FAM184B: variants seen among roughly 807,000 people sequenced by gnomAD.
FAM184B encodes the protein family with sequence similarity 184 member B, also known as protein FAM184B.
FAM184B carries 111 observed loss-of-function variants against 135.9 expected under a neutral mutation model. That is an observed-to-expected ratio of 0.82 (90% CI 0.70 to 0.96). The LOEUF is 0.96. FAM184B is among the 40% of genes least tolerant of loss of function. The pLI is 0.00. For synonymous variants in FAM184B, 552 were observed against 524.8 expected (o/e 1.05, Z -0.71); for missense variants, 1,375 against 1,323.9 (o/e 1.04, Z -0.60).
At chr4:17,669,238 T>C (rs2315556) in intron 7 of FAM184B, among the ~76,000 whole-genome samples, 78,012 of 151,964 alleles carry the variant, frequency 0.51, 22,865 homozygotes, top group East Asian at 0.83. Context: ...GGCTAAAAGG[T>C]CCTCCTGTGC....
chr4:17,636,600 G>A lies in FAM184B; in HGVS notation c.2712C>T (p.Pro904=), dbSNP rs749548028. 11 of 1,550,784 alleles carry A rather than the reference G, an allele frequency of 7.1e-6. No homozygotes were observed. Among genetic ancestry groups the A allele is most frequent in the South Asian group, 5.9e-5 (5 of 84,066 alleles). The change falls in exon 15 of 18, where the codon CCC becomes CCT. Residue 904 remains proline, a synonymous_variant. Transcript: ENST00000265018. ...GGCGGCCAATGAGCTGAAGGTCCTC[G>A]GGCCTGGACGCTCCCTTCCCTGGCT... ...GEKPGKGASR[P]EDLQLIGRLQ...
chr4:17,697,667 T>A (rs569215662), intron 5 of FAM184B, among the ~76,000 whole-genome samples: 1 of 152,346 alleles, frequency 6.6e-6, no homozygotes, highest in East Asian at 1.9e-4. Flanking sequence ...TTGTTTAACA[T>A]GCTTTAATAA....
intron 1 of FAM184B, among the ~76,000 whole-genome samples, chr4:17,766,292 C>T (rs1385067348): frequency 1.3e-5 from 2 of 152,218 alleles, no homozygotes; most frequent in Non-Finnish European, 2.9e-5. Flanking sequence ...AATCCCTGAG[C>T]TAGACACAAA....
intron 1 of FAM184B, among the ~76,000 whole-genome samples, chr4:17,734,623 A>C (rs1341116663): frequency 6.6e-6 from 1 of 151,730 alleles, no homozygotes; most frequent in Non-Finnish European, 1.5e-5. Flanking sequence ...AATCAAAACC[A>C]CAATGAGATA....
chr4:17,652,949 T>TG lies in FAM184B; in HGVS notation c.2071dup (p.His691ProfsTer30). On this transcript the variant is annotated frameshift_variant, in exon 11 of 18. Transcript: ENST00000265018. LOFTEE classifies it high-confidence loss of function. The stretch of plus-strand genomic sequence containing the variant: ...TGTCTGGTGTTGGATCTGGAGGCTG[T>TG]GGCTGGATTCCTTCTTCAAGCGTTC... 6.4e-7 allele frequency: 1 copy of TG among 1,551,700 alleles called. No individual in the cohort carries two copies. The highest frequency in any genetic ancestry group is 1.2e-5 in the South Asian group (1 of 84,066).
intron 13 of FAM184B, among the ~76,000 whole-genome samples, chr4:17,640,040 C>CGCT (rs539107308): frequency 3.1e-4 from 47 of 151,544 alleles, no homozygotes; most frequent in African/African-American, 1.1e-3. Context: ...CCATGTTGGC[C>CGCT]AGGCTAGTCT....
chr4:17,707,865 C>G (rs957163014), intron 2 of FAM184B, 81 bp from the exon 3 acceptor site: 1 of 1,496,412 alleles, frequency 6.7e-7, no homozygotes, highest in South Asian at 1.3e-5. Flanking sequence ...AGCCATCAGA[C>G]CTGAAAGGCG....
chr4:17,705,970 C>T (rs373616689), intron 3 of FAM184B, 79 bp from the exon 4 acceptor site: 2 of 1,521,062 alleles, frequency 1.3e-6, no homozygotes, highest in South Asian at 2.5e-5. Flanking sequence ...TGTCAGGCCC[C>T]CGTTCCGCTT....
chr4:17,691,404 G>T lies in FAM184B; in HGVS notation c.1488+1898C>A, dbSNP rs185829332. 1.9e-3 allele frequency among the ~76,000 whole-genome samples: 291 copies of T among 152,248 alleles called. 1 individual carries two copies. Among genetic ancestry groups the T allele is most frequent in the South Asian group, 3.5e-3 (17 of 4,824 alleles). ...TATTGTTTTTAAAAAAAGAGCTCTG[G>T]GCTGGGCACGGTGGCTCACGCCTGT... On this transcript the variant is annotated intron_variant, in intron 6 of 17. Transcript: ENST00000265018.
intron 5 of FAM184B, among the ~76,000 whole-genome samples, chr4:17,702,062 G>A (rs1716998430): frequency 6.6e-6 from 1 of 152,220 alleles, no homozygotes; most frequent in African/African-American, 2.4e-5. Flanking sequence ...TGTTGGCTGT[G>A]TAAGCTGCAG....
At chr4:17,663,634 A>ACACACACACACACACC (rs1553831657) in intron 8 of FAM184B, among the ~76,000 whole-genome samples, 3 of 151,646 alleles carry the variant, frequency 2.0e-5, no homozygotes, top group African/African-American at 7.3e-5. Flanking sequence ...ACACACACAC[A>ACACACACACACACACC]CACACACACA....
chr4:17,738,082 A>G (rs1011997534), intron 1 of FAM184B, among the ~76,000 whole-genome samples: 1 of 152,168 alleles, frequency 6.6e-6, no homozygotes, highest in African/African-American at 2.4e-5. Flanking sequence ...ATGAGCAGGT[A>G]TCTAAGACTG....
chr4:17,758,367 G>A lies in FAM184B; in HGVS notation c.141+22792C>T, dbSNP rs571013664. On this transcript the variant is annotated intron_variant, in intron 1 of 17. Transcript: ENST00000265018. ...ATCATTTATTCAATATTGGCAGAAA[G>A]TTCAAATAGCCTATAATTGCTTTCA... Among the ~76,000 whole-genome samples the A allele has an allele frequency of 1.1e-4, 16 of 152,302 alleles. No individual in the cohort carries two copies. The South Asian group carries it at 2.9e-3, about 28-fold the overall frequency.
chr4:17,726,485 C>A (rs1412106756), intron 1 of FAM184B, among the ~76,000 whole-genome samples: 2 of 152,104 alleles, frequency 1.3e-5, no homozygotes, highest in Non-Finnish European at 2.9e-5. Context: ...GACTCTTGTG[C>A]CTCAGCCTCC....
chr4:17,692,051 CAA>C (rs35468215), intron 6 of FAM184B, among the ~76,000 whole-genome samples: 4,167 of 135,046 alleles, frequency 0.031, 81 homozygotes, highest in Middle Eastern at 0.15. Flanking sequence ...GACTCCGTCT[CAA>C]AAAAAAAAAA....
At chr4:17,680,481 A>G (rs73800332) in intron 7 of FAM184B, among the ~76,000 whole-genome samples, 6,861 of 152,270 alleles carry the variant, frequency 0.045, 478 homozygotes, top group African/African-American at 0.16. Flanking sequence ...ACTGAAATAA[A>G]CAAAACAAAA....
At chr4:17,635,675 TAAAA>T (rs5856436) in intron 15 of FAM184B, among the ~76,000 whole-genome samples, 7 of 147,846 alleles carry the variant, frequency 4.7e-5, no homozygotes, top group Non-Finnish European at 7.5e-5. Context: ...AGGATTACTT[TAAAA>T]AAAAAAAAAC....
intron 10 of FAM184B, among the ~76,000 whole-genome samples, chr4:17,657,655 CTTTT>C (rs58666074): frequency 8.7e-6 from 1 of 114,416 alleles, no homozygotes; most frequent in Non-Finnish European, 1.7e-5. Flanking sequence ...CTGAGCTGTT[CTTTT>C]TTTTTTTTTT....
intron 1 of FAM184B, among the ~76,000 whole-genome samples, chr4:17,765,511 A>G (rs1383752342): frequency 6.6e-6 from 1 of 150,426 alleles, no homozygotes; most frequent in African/African-American, 2.5e-5. Flanking sequence ...GATCCCTCGT[A>G]TTGACAATAT....
Sources: gnomAD v4.1 joint callset for allele counts (sites outside exome capture counted in the v4.1 genomes callset) on GRCh38, gnomAD v4.1.1 for gene constraint, MANE v1.5 for transcripts, NCBI Gene and HGNC (gene_info 2026-07-23, HGNC 2026-07-21) for gene names.